The following ACOXL variants were observed in gnomAD, a reference collection of about 807,000 sequenced individuals.
ACOXL encodes acyl-CoA oxidase like, also known as acyl-coenzyme A oxidase-like protein.
A neutral mutation model predicts 71.9 loss-of-function variants in ACOXL; 70 were observed. That is an observed-to-expected ratio of 0.97 (90% CI 0.80 to 1.19). ACOXL has a LOEUF of 1.19. ACOXL is among the 50% of genes most tolerant of loss of function. The pLI is 0.00. For missense variants in ACOXL, 703 were observed against 736.3 expected (o/e 0.95, Z 0.52); for synonymous variants, 253 against 281.6 (o/e 0.90, Z 1.02).
At chr2:110,877,289 C>T (rs1335438865) in intron 10 of ACOXL, among the ~76,000 whole-genome samples, 2 of 152,238 alleles carry the variant, frequency 1.3e-5, no homozygotes, top group African/African-American at 4.8e-5. Context: ...TGCCTGCCCT[C>T]TGCTCTGCAG....
chr2:111,094,867 AC>A (rs1282181142), intron 17 of ACOXL, among the ~76,000 whole-genome samples: 1 of 152,182 alleles, frequency 6.6e-6, no homozygotes, highest in Non-Finnish European at 1.5e-5. Flanking sequence ...GATGACAGGA[AC>A]AGACGGGTAA....
chr2:110,927,400 C>T (rs776051827), intron 11 of ACOXL, among the ~76,000 whole-genome samples: 2 of 152,204 alleles, frequency 1.3e-5, no homozygotes, highest in Non-Finnish European at 2.9e-5. Flanking sequence ...CTGGGCCTTC[C>T]CACTTCCACC....
chr2:110,816,468 A>G (rs754223318), intron 9 of ACOXL, among the ~76,000 whole-genome samples: 5 of 152,338 alleles, frequency 3.3e-5, no homozygotes, highest in Middle Eastern at 3.4e-3. Flanking sequence ...TCTAATGTGT[A>G]TATGGAGATC....
intron 16 of ACOXL, among the ~76,000 whole-genome samples, chr2:111,066,238 G>A (rs1313457761): frequency 2.0e-5 from 3 of 152,084 alleles, no homozygotes; most frequent in African/African-American, 7.2e-5. Flanking sequence ...TTCACATGGG[G>A]AATCACCAAA....
intron 14 of ACOXL, among the ~76,000 whole-genome samples, chr2:111,010,796 G>A (rs11123295): frequency 0.81 from 123,153 of 152,150 alleles, 50,138 homozygotes; most frequent in Middle Eastern, 0.91. Context: ...TATCTTTACC[G>A]TGCTGCTGAA....
chr2:111,023,099 C>T (rs1335718747), intron 14 of ACOXL, among the ~76,000 whole-genome samples: 1 of 152,182 alleles, frequency 6.6e-6, no homozygotes, highest in Non-Finnish European at 1.5e-5. Flanking sequence ...GGGGCAGCAC[C>T]TGATGTGTGT....
At chr2:110,824,391 T>C (rs554587832) in intron 9 of ACOXL, among the ~76,000 whole-genome samples, 1 of 152,304 alleles carries the variant, frequency 6.6e-6, no homozygotes, top group South Asian at 2.1e-4. Flanking sequence ...AGAAAATAAC[T>C]TGGTGGGAAC....
chr2:110,895,656 C>T (rs908086292), intron 10 of ACOXL, among the ~76,000 whole-genome samples: 2 of 143,536 alleles, frequency 1.4e-5, no homozygotes, highest in African/African-American at 2.5e-5. Flanking sequence ...AAGAAAAAAT[C>T]TTGAAAACAA....
intron 1 of ACOXL, among the ~76,000 whole-genome samples, chr2:110,752,352 G>A (rs968662980): frequency 6.6e-6 from 1 of 152,070 alleles, no homozygotes; most frequent in Admixed American, 6.6e-5. Context: ...TGGGCATGTT[G>A]GTGTACTTAT....
At chr2:111,010,668 A>G (rs1341442170) in intron 14 of ACOXL, among the ~76,000 whole-genome samples, 1 of 152,176 alleles carries the variant, frequency 6.6e-6, no homozygotes, top group Non-Finnish European at 1.5e-5. Context: ...GAAAACTAAA[A>G]ATAAAGAATA....
intron 12 of ACOXL, chr2:110,967,881 C>A (rs550330799): frequency 8.0e-6 from 10 of 1,257,638 alleles, no homozygotes; most frequent in Non-Finnish European, 1.1e-5. Context: ...TTAAGAGATA[C>A]CAAGTGAAAT....
At chr2:110,896,608 G>A (rs1053630403) in intron 10 of ACOXL, among the ~76,000 whole-genome samples, 2 of 152,124 alleles carry the variant, frequency 1.3e-5, no homozygotes, top group Non-Finnish European at 2.9e-5. Flanking sequence ...AGACTTTGGG[G>A]AAAAGTAAAT....
intron 2 of ACOXL, among the ~76,000 whole-genome samples, chr2:110,774,541 CA>C (rs1443959760): frequency 6.6e-6 from 1 of 151,872 alleles, no homozygotes; most frequent in Non-Finnish European, 1.5e-5. Flanking sequence ...ATGAAGAATC[CA>C]AAATGAAATT....
chr2:110,902,114 T>A (rs1008942128), intron 10 of ACOXL, among the ~76,000 whole-genome samples: 1 of 151,962 alleles, frequency 6.6e-6, no homozygotes, highest in Admixed American at 6.6e-5. Context: ...TATGTTAAGC[T>A]GATGTTTCAG....
rs758264652 is a variant in ACOXL, at chr2:110,933,468, CAT to C, written c.906-20_906-19del. 9 of 1,607,606 alleles carry C rather than the reference CAT, an allele frequency of 5.6e-6. No homozygotes were observed. The highest frequency in any genetic ancestry group is 1.1e-5 in the South Asian group (1 of 90,406). On this transcript the variant is annotated intron_variant, in intron 11 of 17. Coordinates refer to ENST00000439055, the MANE Select transcript of ACOXL (RefSeq NM_001142807.4). ...TGACTGCACCGCCACTTCCATCACA[CAT>C]GTCTGCTTTGTCCTGCAGGTATGCT...
At chr2:110,919,017 C>T (rs1027085875) in intron 11 of ACOXL, among the ~76,000 whole-genome samples, 1 of 152,038 alleles carries the variant, frequency 6.6e-6, no homozygotes, top group Non-Finnish European at 1.5e-5. Context: ...GATCTAGAAC[C>T]AGAAATACCA....
chr2:110,929,616 C>T (rs2060407559), intron 11 of ACOXL, among the ~76,000 whole-genome samples: 1 of 152,204 alleles, frequency 6.6e-6, no homozygotes, highest in Non-Finnish European at 1.5e-5. Flanking sequence ...AAAATGTCTA[C>T]AGAGCATGTC....
chr2:110,824,947 T>C (rs1689002743), intron 9 of ACOXL, among the ~76,000 whole-genome samples: 1 of 152,240 alleles, frequency 6.6e-6, no homozygotes, highest in African/African-American at 2.4e-5. Context: ...CATAATACTC[T>C]TCTGAAGAAA....
At chr2:111,059,741 A>G (rs1487170687) in intron 16 of ACOXL, among the ~76,000 whole-genome samples, 1 of 151,224 alleles carries the variant, frequency 6.6e-6, no homozygotes, top group Non-Finnish European at 1.5e-5. Flanking sequence ...GAAGCTGGCA[A>G]CCTGGAAAAA....
Sources: gnomAD v4.1 joint callset for allele counts (sites outside exome capture counted in the v4.1 genomes callset) on GRCh38, gnomAD v4.1.1 for gene constraint, MANE v1.5 for transcripts, NCBI Gene and HGNC (gene_info 2026-07-23, HGNC 2026-07-21) for gene names.